DDX54: variants seen among roughly 807,000 people sequenced by gnomAD.
DDX54 encodes ATP-dependent RNA helicase DDX54.
Under a neutral mutation model 105.5 loss-of-function variants are expected in DDX54, and 67 were observed. That is an observed-to-expected ratio of 0.64 (90% CI 0.52 to 0.78). The LOEUF (loss-of-function observed/expected upper bound fraction) is 0.78, where lower values mean the gene tolerates loss of function less well. Ranked by LOEUF, DDX54 falls within the 30% of genes least tolerant of loss-of-function variation. The pLI is 0.00. For synonymous variants in DDX54, 514 were observed against 509.9 expected, an observed-to-expected ratio of 1.01 and a Z score of -0.11; for missense variants, 1,206 against 1,230.5, an observed-to-expected ratio of 0.98 and a Z score of 0.30.
intron 1 of DDX54, among the ~76,000 whole-genome samples, chr12:113,184,951 T>C (rs1952509817): frequency 6.6e-6 from 1 of 152,204 alleles, no homozygotes; most frequent in Non-Finnish European, 1.5e-5. Context: ...TCAGATCTTC[T>C]GCACCCGCAC....
At chr12:113,160,852 T>A (rs1315139415) in intron 19 of DDX54, among the ~76,000 whole-genome samples, 1 of 152,190 alleles carries the variant, frequency 6.6e-6, no homozygotes, top group Admixed American at 6.5e-5. Context: ...GCAAATGCCA[T>A]TTTTGCAGGT....
At position 113,185,340 on chromosome 12, in the gene DDX54, C is replaced by G. The variant is rs576006802; in HGVS notation, c.112G>C (p.Gly38Arg). ...KRRGAASQAR[G>R]SDSEDGEFEI... ...AACTCGCCGTCCTCCGAGTCGCTGC[C>G]GCGGGCCTGGGAGGCCGCGCCTCGG... is the stretch of plus-strand genomic sequence containing the variant. The change falls in exon 1 of 20, where the codon GGC becomes CGC. Residue 38 changes from glycine (G) to arginine (R), a missense_variant. Gly to Arg is a moderately radical substitution (Grantham distance 125). Coordinates refer to ENST00000306014, the MANE Select transcript of DDX54 (RefSeq NM_024072.4). 1.7e-4 allele frequency: 273 copies of G among 1,586,658 alleles called. No homozygotes were observed. Among genetic ancestry groups the G allele is most frequent in the Non-Finnish European group, 2.3e-4 (266 of 1,169,850 alleles).
At chr12:113,171,106 T>C (rs1005625407) in intron 11 of DDX54, among the ~76,000 whole-genome samples, 12 of 152,152 alleles carry the variant, frequency 7.9e-5, no homozygotes, top group African/African-American at 2.9e-4. Context: ...CCTGGGGACC[T>C]CCCTAGGGAC....
Position 113,174,713 on chromosome 12 carries a change from T to A in DDX54, c.995A>T (p.His332Leu). The A allele has an allele frequency of 1.2e-6, 2 of 1,609,302 alleles. No homozygotes were observed. The highest frequency in any genetic ancestry group is 1.7e-6 in the Non-Finnish European group (2 of 1,175,982). The change falls in exon 10 of 20, where the codon CAC becomes CTC. Residue 332 changes from histidine (H) to leucine (L), a missense_variant. His to Leu is a moderately conservative substitution (Grantham distance 99, BLOSUM62 -3). Coordinates refer to ENST00000306014, the MANE Select transcript of DDX54 (RefSeq NM_024072.4). Reference sequence around the variant, plus strand: ...CTGGTCCTGGGGCCGCACCACGTTGTGCAGCAGGTGGAGCAGCACGGCAGC... The same window carrying A: ...CTGGTCCTGGGGCCGCACCACGTTGAGCAGCAGGTGGAGCAGCACGGCAGC... The part of the protein sequence containing the change: ...TKAAVLLHLL[H>L]NVVRPQDQTV...
Position 113,163,188 on chromosome 12 carries a change from C to A in DDX54, c.2025G>T (p.Gln675His). ...AGGGGATGTAGAATTCCTGGTCCCG[C>A]TGCCGGGCCTCCTCCCTCCGCCTCT... ...GAKRRREEAR[Q>H]RDQEFYIPYR... The change falls in exon 16 of 20, where the codon CAG becomes CAT. Residue 675 changes from glutamine to histidine, a missense_variant. Physicochemically the swap from Gln to His is conservative, Grantham distance 24. Around this residue, in one of 3 missense-constraint regions of DDX54, gnomAD observed 961 missense variants for 1,019.1 expected, o/e 0.94. Coordinates refer to ENST00000306014, the MANE Select transcript of DDX54 (RefSeq NM_024072.4). This position sits in a 1 kb window ranked among gnomAD's most constrained non-coding sequence, Gnocchi z 5.9. 6.2e-7 allele frequency: 1 copy of A among 1,612,824 alleles called. No individual in the cohort carries two copies. The highest frequency in any genetic ancestry group is 8.5e-7 in the Non-Finnish European group (1 of 1,179,988).
intron 12 of DDX54, 22 bp from the exon 13 acceptor site, chr12:113,166,054 G>A (rs1952271745): frequency 3.2e-6 from 5 of 1,586,640 alleles, no homozygotes; most frequent in Non-Finnish European, 4.3e-6. Context: ...ACAGCACCTT[G>A]TCAGAGGTCT....
Position 113,163,115 on chromosome 12 carries a change from C to CCCAG in DDX54, c.2081+13_2081+16dup. On this transcript the variant is annotated intron_variant, in intron 16 of 19. Coordinates refer to ENST00000306014, the MANE Select transcript of DDX54 (RefSeq NM_024072.4). This position sits in a 1 kb window ranked among gnomAD's most constrained non-coding sequence, Gnocchi z 5.9. ...GCGGACCCAACTGCCCCACCCAGGA[C>CCCAG]CCAGCCAGCCACTCACCCCCGCTCG... 2 of 1,612,368 alleles carry CCCAG rather than the reference C, an allele frequency of 1.2e-6. No homozygotes were observed. The highest frequency in any genetic ancestry group is 1.7e-6 in the Non-Finnish European group (2 of 1,179,780).
In DDX54 at chr12:113,162,925, C is replaced by T; in HGVS notation, c.2195+7G>A. On this transcript the variant is annotated splice_region_variant and intron_variant, in intron 17 of 19. Transcript: ENST00000306014. ...AGCATGGAGGGGCGGCTCACTCGAT[C>T]ACTCACCACTTGAGCTGCTGCCGGC... 6.3e-7 allele frequency: 1 copy of T among 1,584,236 alleles called. No homozygotes were observed. Among genetic ancestry groups the T allele is most frequent in the Non-Finnish European group, 8.5e-7 (1 of 1,169,954 alleles).
At position 113,181,071 on chromosome 12, in the gene DDX54, G is replaced by A. The variant is rs115953343; in HGVS notation, c.175-13C>T. 1,748 of 1,608,964 alleles carry A rather than the reference G, an allele frequency of 1.1e-3. 19 individuals carry two copies. In the African/African-American group the frequency reaches 0.021, roughly 19 times the overall value. On this transcript the variant is annotated splice_polypyrimidine_tract_variant and intron_variant, in intron 1 of 19. Coordinates refer to ENST00000306014, the MANE Select transcript of DDX54 (RefSeq NM_024072.4). ...TTCCAGGTCCCAGCTGGGAGGGAAGGACAGAGAGGTGGTGTCACTCCAGGC... is the reference window on the plus strand; with the variant it reads ...TTCCAGGTCCCAGCTGGGAGGGAAGAACAGAGAGGTGGTGTCACTCCAGGC...
chr12:113,169,439 A>C (rs1190210364), intron 12 of DDX54, among the ~76,000 whole-genome samples: 1 of 152,130 alleles, frequency 6.6e-6, no homozygotes, highest in Non-Finnish European at 1.5e-5. Context: ...CAACATGGTG[A>C]AACCTTGTCT....
At chr12:113,160,185 C>T (rs1341296783) in intron 19 of DDX54, among the ~76,000 whole-genome samples, 1 of 152,154 alleles carries the variant, frequency 6.6e-6, no homozygotes, top group Non-Finnish European at 1.5e-5. Context: ...GATGGGAGAG[C>T]TGGAGAGGGA....
chr12:113,172,286 T>C lies in DDX54; in HGVS notation c.1279+67A>G, dbSNP rs58865727. On this transcript the variant is annotated intron_variant, in intron 11 of 19. Coordinates refer to ENST00000306014, the MANE Select transcript of DDX54 (RefSeq NM_024072.4). ...ATGTGCAGTGTCAAGAGTTAAGCCTTGTACCCTCGGCTTCTGCCAGGATCC... is the reference window on the plus strand; with the variant it reads ...ATGTGCAGTGTCAAGAGTTAAGCCTCGTACCCTCGGCTTCTGCCAGGATCC... 7.4e-3 allele frequency: 11,431 copies of C among 1,539,334 alleles called. 644 individuals are homozygous for C. The East Asian group carries it at 0.16, about 22-fold the overall frequency.
At chr12:113,170,485 G>A (rs1279822202) in intron 11 of DDX54, among the ~76,000 whole-genome samples, 1 of 152,100 alleles carries the variant, frequency 6.6e-6, no homozygotes, top group East Asian at 1.9e-4. Context: ...TACAAAAAAC[G>A]AAAATTAGCC....
chr12:113,179,077 T>C (rs376877063), intron 4 of DDX54, 51 bp from the exon 5 acceptor site: 7 of 1,613,374 alleles, frequency 4.3e-6, no homozygotes, highest in Non-Finnish European at 5.1e-6. Flanking sequence ...GACAGCACAC[T>C]CGTGGCCTCT....
rs1222685170 is a variant in DDX54 at position 113,180,922 on chromosome 12, C to T, written c.304+7G>A. 3 of 1,613,084 alleles carry T rather than the reference C, an allele frequency of 1.9e-6. No individual in the cohort carries two copies. Among genetic ancestry groups the T allele is most frequent in the Admixed American group, 3.3e-5 (2 of 59,924 alleles). ...CCGCAGAGTCCCTGATGCCAAGTTG[C>T]ACCCACCCATGGACTGGAAGCCTCC... is the stretch of plus-strand genomic sequence containing the variant. On this transcript the variant is annotated splice_region_variant and intron_variant, in intron 2 of 19. Transcript: ENST00000306014.
Position 113,157,532 on chromosome 12 carries a change from G to C in DDX54, c.*1345C>G. 5 of 1,308,638 alleles carry C rather than the reference G, an allele frequency of 3.8e-6. No homozygotes were observed. Among genetic ancestry groups the C allele is most frequent in the Non-Finnish European group, 5.4e-6 (5 of 928,082 alleles). 81.1% of individuals were successfully genotyped at this position (1,308,638 alleles called of 1,614,324 possible). A position where few individuals can be genotyped will look rare whatever the true frequency, so the allele number is the denominator to read the frequency against. On this transcript the variant is annotated 3_prime_UTR_variant, in exon 20 of 20. Transcript: ENST00000306014. ...CCCGCCCTACCTTTCGGCCTCCCCC[G>C]CGTGTTGAGGGGTGGGGGCTGGACA...
In DDX54 at chr12:113,158,516, C is replaced by G. The variant is rs1952164134; in HGVS notation, c.*361G>C. 4.9e-6 allele frequency: 1 copy of G among 203,718 alleles called. No homozygotes were observed. Among genetic ancestry groups the G allele is most frequent in the Non-Finnish European group, 9.7e-6 (1 of 102,798 alleles). 12.6% of individuals were successfully genotyped at this position (203,718 alleles called of 1,614,324 possible). A position where few individuals can be genotyped will look rare whatever the true frequency, so the allele number is the denominator to read the frequency against. On this transcript the variant is annotated 3_prime_UTR_variant, in exon 20 of 20. Coordinates refer to ENST00000306014, the MANE Select transcript of DDX54 (RefSeq NM_024072.4). This position sits in a 1 kb window ranked among gnomAD's most constrained non-coding sequence, Gnocchi z 4.9. ...AGCAGTGCTCAATAAAGATTTATTA[C>G]ATTAAAAATTCCATTGCCAAACCCT...
At chr12:113,181,148 C>T in intron 1 of DDX54, 90 bp from the exon 2 acceptor site, 1 of 1,450,548 alleles carries the variant, frequency 6.9e-7, no homozygotes, top group East Asian at 2.5e-5. Context: ...GCCCTCTCTC[C>T]CCCATTCAAG....
intron 18 of DDX54, 34 bp from the exon 19 acceptor site, chr12:113,161,416 C>T (rs201119705): frequency 6.4e-7 from 1 of 1,562,960 alleles, no homozygotes; most frequent in South Asian, 1.1e-5. Context: ...TGCGTGAAGC[C>T]CCTGGGATGG....
Sources: gnomAD v4.1 joint callset for allele counts (sites outside exome capture counted in the v4.1 genomes callset) on GRCh38, gnomAD v4.1.1 for gene constraint, gnomAD v4.1.1 regional missense constraint, Gnocchi (gnomAD v3.1) non-coding constraint, MANE v1.5 for transcripts, NCBI Gene and HGNC (gene_info 2026-07-23, HGNC 2026-07-21) for gene names.